Variants in SRPK2 observed in about 807,000 individuals in gnomAD.
The protein encoded by SRPK2 is SRSF protein kinase 2.
Under a neutral mutation model 90.8 loss-of-function variants are expected in SRPK2, and 21 were observed. The observed-to-expected ratio is 0.23, with a 90% CI of 0.16 to 0.33. The LOEUF is 0.33. Ranked by LOEUF, SRPK2 falls within the 10% of genes least tolerant of loss-of-function variation. The pLI, the probability that SRPK2 is intolerant of heterozygous loss-of-function variation, is 1.00. For missense variants in SRPK2, 620 were observed against 869.0 expected, an observed-to-expected ratio of 0.71 and a Z score of 3.60; for synonymous variants, 288 against 311.1, an observed-to-expected ratio of 0.93 and a Z score of 0.78.
intron 3 of SRPK2, among the ~76,000 whole-genome samples, chr7:105,192,712 A>G (rs1463485928): frequency 6.6e-6 from 1 of 151,986 alleles, no homozygotes. Flanking sequence ...AACATCTATT[A>G]TTTTTTGATT....
At chr7:105,301,506 C>A in intron 2 of SRPK2, 1 of 1,342,896 alleles carries the variant, frequency 7.4e-7, no homozygotes, top group Non-Finnish European at 1.1e-6. Context: ...GGAGGCGCCC[C>A]GCAACCGGTG....
intron 2 of SRPK2, among the ~76,000 whole-genome samples, chr7:105,335,070 C>G (rs916392477): frequency 6.6e-6 from 1 of 152,122 alleles, no homozygotes; most frequent in East Asian, 1.9e-4. Context: ...AATCAGGAGG[C>G]TGAGGAAGGA....
chr7:105,379,869 T>C (rs559842652), intron 2 of SRPK2, among the ~76,000 whole-genome samples: 2 of 152,156 alleles, frequency 1.3e-5, no homozygotes, highest in East Asian at 1.9e-4. Flanking sequence ...TCCCAGCTAC[T>C]CAGGAGGCTG....
At chr7:105,220,752 T>A (rs1797998102) in intron 2 of SRPK2, among the ~76,000 whole-genome samples, 1 of 148,638 alleles carries the variant, frequency 6.7e-6, no homozygotes, top group Admixed American at 6.7e-5. Context: ...ACTTTAACCA[T>A]TTTTTTTTTC....
chr7:105,169,678 A>G (rs1463922907), intron 3 of SRPK2, among the ~76,000 whole-genome samples: 7 of 152,186 alleles, frequency 4.6e-5, no homozygotes, highest in Non-Finnish European at 7.3e-5. Flanking sequence ...AATGAGCCTG[A>G]GTGAAAAGTG....
At chr7:105,250,338 CTAAA>C (rs1276201444) in intron 2 of SRPK2, among the ~76,000 whole-genome samples, 5 of 146,458 alleles carry the variant, frequency 3.4e-5, no homozygotes, top group Non-Finnish European at 7.4e-5. Flanking sequence ...AAAACTCTGT[CTAAA>C]CAAACAAACA....
At chr7:105,139,439 T>C (rs1194970857) in intron 11 of SRPK2, among the ~76,000 whole-genome samples, 2 of 152,210 alleles carry the variant, frequency 1.3e-5, no homozygotes, top group Non-Finnish European at 2.9e-5. Context: ...TGATCAAGTT[T>C]CTCACTGGAG....
chr7:105,343,806 A>T (rs546502252), intron 2 of SRPK2, among the ~76,000 whole-genome samples: 1 of 152,164 alleles, frequency 6.6e-6, no homozygotes, highest in Non-Finnish European at 1.5e-5. Flanking sequence ...CTTGTCGCCC[A>T]GGCTGGAGTG....
chr7:105,381,717 A>C (rs1419621745), intron 2 of SRPK2, among the ~76,000 whole-genome samples: 2 of 152,206 alleles, frequency 1.3e-5, no homozygotes, highest in Non-Finnish European at 2.9e-5. Flanking sequence ...TTGAATAAAC[A>C]AATGTGTAAA....
rs1799750986 is a variant in SRPK2, at chr7:105,117,575, C to G, written c.*263G>C. On this transcript the variant is annotated 3_prime_UTR_variant, in exon 16 of 16. Coordinates refer to ENST00000393651, the MANE Select transcript of SRPK2 (RefSeq NM_182692.3). ...AAAATGACATTTGAATGTCACACAACACAAGAAACAATGCTTAGAGACATG... is the reference window on the plus strand; with the variant it reads ...AAAATGACATTTGAATGTCACACAAGACAAGAAACAATGCTTAGAGACATG... The G allele has an allele frequency of 2.2e-6, 1 of 455,436 alleles. No individual in the cohort carries two copies. Among genetic ancestry groups the G allele is most frequent in the Admixed American group, 4.1e-5 (1 of 24,116 alleles). The allele number at this position is 455,436 out of a possible 1,614,324, so 28.2% of individuals were successfully genotyped here.
At chr7:105,388,197 C>G (rs946873799) in intron 2 of SRPK2, among the ~76,000 whole-genome samples, 2 of 152,028 alleles carry the variant, frequency 1.3e-5, no homozygotes, top group African/African-American at 4.8e-5. Context: ...GCACACTCGG[C>G]CCCTCCGCCT....
chr7:105,160,495 C>T lies in SRPK2; in HGVS notation c.621+12G>A. On this transcript the variant is annotated intron_variant, in intron 7 of 15. Coordinates refer to ENST00000393651, the MANE Select transcript of SRPK2 (RefSeq NM_182692.3). ...GGTACTAGGGCCTAGGGGCTGCCGT[C>T]AAAAGTCTCACCTGTCGAATGATAC... 1 of 1,582,526 alleles carries T rather than the reference C, an allele frequency of 6.3e-7. No individual in the cohort carries two copies. Among genetic ancestry groups the T allele is most frequent in the Non-Finnish European group, 8.7e-7 (1 of 1,151,610 alleles).
intron 2 of SRPK2, among the ~76,000 whole-genome samples, chr7:105,339,085 A>G (rs1315470336): frequency 6.6e-6 from 1 of 152,234 alleles, no homozygotes; most frequent in Non-Finnish European, 1.5e-5. Flanking sequence ...TGTATTTTAC[A>G]AAGTTTTGAA....
chr7:105,138,024 A>G (rs914490170), intron 11 of SRPK2, among the ~76,000 whole-genome samples: 1 of 152,190 alleles, frequency 6.6e-6, no homozygotes, highest in Non-Finnish European at 1.5e-5. Context: ...TCCCTGGTAC[A>G]TCCCTAGAAT....
At chr7:105,225,716 A>C (rs1798625444) in intron 2 of SRPK2, among the ~76,000 whole-genome samples, 1 of 152,218 alleles carries the variant, frequency 6.6e-6, no homozygotes. Context: ...CTGTAGAGAA[A>C]ATAGTAAATA....
intron 2 of SRPK2, among the ~76,000 whole-genome samples, chr7:105,371,793 C>T (rs1400490463): frequency 2.6e-5 from 4 of 152,050 alleles, no homozygotes; most frequent in African/African-American, 9.7e-5. Flanking sequence ...TCTCTACCAT[C>T]TCCACAGCTT....
chr7:105,178,503 C>A (rs761791528), intron 3 of SRPK2, among the ~76,000 whole-genome samples: 3 of 152,078 alleles, frequency 2.0e-5, no homozygotes, highest in Non-Finnish European at 4.4e-5. Context: ...CCAAAAGACA[C>A]GGGAGGATTC....
intron 11 of SRPK2, among the ~76,000 whole-genome samples, chr7:105,139,511 A>G (rs1213049671): frequency 6.6e-6 from 1 of 152,178 alleles, no homozygotes; most frequent in Non-Finnish European, 1.5e-5. Context: ...TGGCAGGGAA[A>G]GTTGTATTCT....
intron 3 of SRPK2, among the ~76,000 whole-genome samples, chr7:105,176,129 G>A (rs988935517): frequency 1.3e-5 from 2 of 152,110 alleles, no homozygotes; most frequent in African/African-American, 2.4e-5. Context: ...AAAACATCAT[G>A]ATCAAATGGG....
Sources: allele counts gnomAD v4.1 joint callset (sites outside exome capture counted in the v4.1 genomes callset), GRCh38; gene constraint gnomAD v4.1.1; transcripts MANE v1.5; gene names NCBI Gene and HGNC (gene_info 2026-07-23, HGNC 2026-07-21).